Variants in TRPS1 observed in about 807,000 individuals in gnomAD.
TRPS1 encodes the protein transcriptional repressor GATA binding 1.
Under a neutral mutation model 101.2 loss-of-function variants are expected in TRPS1, and 6 were observed. That is an observed-to-expected ratio of 0.06 (90% CI 0.03 to 0.12). TRPS1 has a LOEUF of 0.12. Among genes scored for constraint, TRPS1 ranks in the 10% least tolerant of loss-of-function variants. TRPS1 has a pLI of 1.00. For synonymous variants in TRPS1, 578 were observed against 589.8 expected, an observed-to-expected ratio of 0.98 and a Z score of 0.29; for missense variants, 1,363 against 1,567.0, an observed-to-expected ratio of 0.87 and a Z score of 2.20.
chr8:115,421,182 T>C (rs1385519619), intron 5 of TRPS1, among the ~76,000 whole-genome samples: 1 of 152,012 alleles, frequency 6.6e-6, no homozygotes, highest in Non-Finnish European at 1.5e-5. Context: ...ATGGGGTTTC[T>C]CTGTGTTGGT....
intron 5 of TRPS1, among the ~76,000 whole-genome samples, chr8:115,568,655 G>GA (rs1214721109): frequency 6.6e-6 from 1 of 151,488 alleles, no homozygotes. Flanking sequence ...GCTTTTTTAG[G>GA]AAAAAAAATT....
chr8:115,539,601 G>A (rs1206571366), intron 5 of TRPS1, among the ~76,000 whole-genome samples: 2 of 151,964 alleles, frequency 1.3e-5, no homozygotes, highest in Admixed American at 1.3e-4. Flanking sequence ...ACACTGGGAG[G>A]CTGAGAAGGG....
intron 5 of TRPS1, among the ~76,000 whole-genome samples, chr8:115,529,726 T>C (rs1324800208): frequency 1.3e-5 from 2 of 152,262 alleles, no homozygotes; most frequent in South Asian, 2.1e-4. Context: ...TACTTATTTA[T>C]TTTGTGCCAA....
At chr8:115,498,529 T>C (rs1002119176) in intron 5 of TRPS1, among the ~76,000 whole-genome samples, 11 of 150,130 alleles carry the variant, frequency 7.3e-5, no homozygotes, top group Non-Finnish European at 5.9e-5. Flanking sequence ...TCAGTTTTAA[T>C]CTTGGAGAGT....
intron 3 of TRPS1, among the ~76,000 whole-genome samples, chr8:115,610,710 G>A (rs1818142924): frequency 6.6e-6 from 1 of 152,120 alleles, no homozygotes; most frequent in Admixed American, 6.5e-5. Flanking sequence ...TTGCATAATA[G>A]CAATAAACAG....
At chr8:115,473,151 T>G (rs555741940) in intron 5 of TRPS1, among the ~76,000 whole-genome samples, 1 of 152,328 alleles carries the variant, frequency 6.6e-6, no homozygotes, top group South Asian at 2.1e-4. Context: ...CATTCTCATA[T>G]TGTTATAAAG....
chr8:115,492,592 G>A (rs1815055464), intron 5 of TRPS1, among the ~76,000 whole-genome samples: 2 of 152,070 alleles, frequency 1.3e-5, no homozygotes, highest in African/African-American at 4.8e-5. Flanking sequence ...GAAACTGAGG[G>A]ACAGATAATT....
chr8:115,611,662 T>C (rs1350148027), intron 3 of TRPS1, among the ~76,000 whole-genome samples: 1 of 152,134 alleles, frequency 6.6e-6, no homozygotes. Context: ...GCAGTGATCA[T>C]GAAAGGGCAT....
intron 1 of TRPS1, among the ~76,000 whole-genome samples, chr8:115,646,811 T>C (rs1306086587): frequency 6.6e-6 from 1 of 152,124 alleles, no homozygotes; most frequent in Non-Finnish European, 1.5e-5. Context: ...ACATATTACT[T>C]TAAAAAGAGT....
chr8:115,600,116 T>C (rs1817876863), intron 4 of TRPS1, among the ~76,000 whole-genome samples: 3 of 152,244 alleles, frequency 2.0e-5, no homozygotes, highest in Non-Finnish European at 2.9e-5. Context: ...CATATGTTTA[T>C]TGGCCGCATA....
chr8:115,504,664 A>G (rs1265251435), intron 5 of TRPS1, among the ~76,000 whole-genome samples: 1 of 152,176 alleles, frequency 6.6e-6, no homozygotes, highest in Non-Finnish European at 1.5e-5. Flanking sequence ...AGCATAAGTC[A>G]GGCCATATGA....
intron 5 of TRPS1, among the ~76,000 whole-genome samples, chr8:115,438,185 C>T (rs991731690): frequency 6.6e-6 from 1 of 152,184 alleles, no homozygotes; most frequent in African/African-American, 2.4e-5. Context: ...AAGGCCATGG[C>T]ACACTAAATG....
intron 5 of TRPS1, among the ~76,000 whole-genome samples, chr8:115,504,036 G>A (rs966505303): frequency 6.6e-6 from 1 of 152,122 alleles, no homozygotes; most frequent in Non-Finnish European, 1.5e-5. Flanking sequence ...CATACAACTT[G>A]CTTACAGTCT....
chr8:115,540,713 C>G (rs1309457567), intron 5 of TRPS1, among the ~76,000 whole-genome samples: 1 of 151,736 alleles, frequency 6.6e-6, no homozygotes, highest in Non-Finnish European at 1.5e-5. Flanking sequence ...CATACTTTGG[C>G]TAAACTTTGA....
Position 115,549,603 on chromosome 8 carries a change from A to C in TRPS1, c.2700+37398T>G, listed in dbSNP as rs186562634. Among the ~76,000 whole-genome samples, 41 of 151,932 alleles carry C rather than the reference A, an allele frequency of 2.7e-4. 2 individuals are homozygous for C. Among genetic ancestry groups the C allele is most frequent in the Admixed American group, 2.7e-3 (41 of 15,258 alleles). On this transcript the variant is annotated intron_variant, in intron 5 of 6. Transcript: ENST00000395715. ...TTCCTTGAGTTGTGTAGTTCGCCCA[A>C]ATGTTTGCAGCTACTCAGACAGACT...
At position 115,414,252 on chromosome 8, in the gene TRPS1, T is replaced by A; in HGVS notation, c.3656A>T (p.Asp1219Val). 1 of 1,614,048 alleles carries A rather than the reference T, an allele frequency of 6.2e-7. No homozygotes were observed. The highest frequency in any genetic ancestry group is 8.5e-7 in the Non-Finnish European group (1 of 1,179,956). The change falls in exon 7 of 7, where the codon GAT becomes GTT. Residue 1219 changes from aspartate (D) to valine (V), a missense_variant. Asp to Val is a radical substitution (Grantham distance 152). Coordinates refer to ENST00000395715, the MANE Select transcript of TRPS1 (RefSeq NM_014112.5). The surrounding 1 kb of genome is among the most constrained non-coding windows in gnomAD (Gnocchi z 4.8). The stretch of plus-strand genomic sequence containing the variant: ...TGAAAGTTCATCTTGAGTACTTCTA[T>A]CAACTTTCTCTGTTTTTACTACATT... ...PLNVVKTEKV[D>V]RSTQDELSTK...
intron 5 of TRPS1, among the ~76,000 whole-genome samples, chr8:115,555,118 A>G (rs940744344): frequency 1.3e-5 from 2 of 152,182 alleles, no homozygotes; most frequent in African/African-American, 4.8e-5. Flanking sequence ...AAAGGCAAAC[A>G]CAGTTTAACA....
At chr8:115,519,645 T>C (rs1283906883) in intron 5 of TRPS1, among the ~76,000 whole-genome samples, 1 of 151,508 alleles carries the variant, frequency 6.6e-6, no homozygotes, top group Non-Finnish European at 1.5e-5. Context: ...ACAGGATACA[T>C]AAAAATATTT....
chr8:115,548,047 T>C (rs1334324622), intron 5 of TRPS1, among the ~76,000 whole-genome samples: 1 of 150,648 alleles, frequency 6.6e-6, no homozygotes, highest in African/African-American at 2.4e-5. Context: ...CTGAGCAACG[T>C]AGTGAAACAC....
Sources: gnomAD v4.1 joint callset for allele counts (sites outside exome capture counted in the v4.1 genomes callset) on GRCh38, gnomAD v4.1.1 for gene constraint, Gnocchi (gnomAD v3.1) non-coding constraint, MANE v1.5 for transcripts, NCBI Gene and HGNC (gene_info 2026-07-23, HGNC 2026-07-21) for gene names.